The following SMPD3 variants were observed in gnomAD, a reference collection of about 807,000 sequenced individuals.
SMPD3 encodes nSMase-2.
SMPD3 carries 21 observed loss-of-function variants against 55.7 expected under a neutral mutation model. The observed-to-expected ratio is 0.38, with a 90% confidence interval of 0.27 to 0.54. SMPD3 has a LOEUF of 0.54. SMPD3 is among the 20% of genes least tolerant of loss of function. SMPD3 has a pLI of 0.80. For synonymous variants in SMPD3, 457 were observed against 404.3 expected, an observed-to-expected ratio of 1.13 and a Z score of -1.56; for missense variants, 842 against 899.6, an observed-to-expected ratio of 0.94 and a Z score of 0.82.
chr16:68,426,584 T>G (rs1288249521), intron 1 of SMPD3, among the ~76,000 whole-genome samples: 1 of 152,206 alleles, frequency 6.6e-6, no homozygotes, highest in Non-Finnish European at 1.5e-5. Context: ...TTCTGAAAAC[T>G]GTGAAACAAT....
chr16:68,395,476 AT>A (rs1479995593), intron 1 of SMPD3, among the ~76,000 whole-genome samples: 1 of 152,266 alleles, frequency 6.6e-6, no homozygotes, highest in Non-Finnish European at 1.5e-5. Flanking sequence ...AAACGTCATC[AT>A]CTCCAGGGTT....
chr16:68,373,908 C>T lies in SMPD3; in HGVS notation c.-206-1521G>A, dbSNP rs563491224. Among the ~76,000 whole-genome samples the T allele has an allele frequency of 7.9e-5, 12 of 152,220 alleles. 1 individual carries two copies. The South Asian group carries it at 1.4e-3, about 18-fold the overall frequency. ...CTGCCATTCCCCATCCTCTGCCCCT[C>T]GCCTCGCTCACCCTTTCTAAGACTC... On this transcript the variant is annotated intron_variant, in intron 2 of 8. Transcript: ENST00000219334.
chr16:68,376,395 C>A (rs892686881), intron 2 of SMPD3, among the ~76,000 whole-genome samples: 1 of 152,218 alleles, frequency 6.6e-6, no homozygotes. Context: ...TCCATGCCCC[C>A]GCTCTCTGCT....
intron 1 of SMPD3, among the ~76,000 whole-genome samples, chr16:68,436,152 C>A (rs1199849190): frequency 1.3e-5 from 2 of 152,186 alleles, no homozygotes; most frequent in Non-Finnish European, 2.9e-5. Flanking sequence ...CACTGCCAAA[C>A]CCTCAGAGCA....
At chr16:68,405,031 C>T (rs1020765538) in intron 1 of SMPD3, among the ~76,000 whole-genome samples, 4 of 152,292 alleles carry the variant, frequency 2.6e-5, no homozygotes, top group African/African-American at 9.6e-5. Flanking sequence ...TTTGTTTTTA[C>T]CTTTGGGGCC....
chr16:68,438,728 A>G (rs950734957), intron 1 of SMPD3, among the ~76,000 whole-genome samples: 2 of 152,034 alleles, frequency 1.3e-5, no homozygotes, highest in African/African-American at 4.8e-5. Flanking sequence ...GAGATTATCC[A>G]TATTGTACCC....
chr16:68,362,962 TCTG>T (rs560287014), intron 7 of SMPD3, among the ~76,000 whole-genome samples: 5 of 152,240 alleles, frequency 3.3e-5, no homozygotes, highest in Non-Finnish European at 5.9e-5. Context: ...ATAAATTGGT[TCTG>T]CTGTTGGCCT....
intron 1 of SMPD3, among the ~76,000 whole-genome samples, chr16:68,419,077 G>T (rs1307863935): frequency 6.6e-6 from 1 of 152,130 alleles, no homozygotes; most frequent in Non-Finnish European, 1.5e-5. Context: ...CCTCAGGAGA[G>T]GTGAGAGGGA....
chr16:68,377,161 G>C (rs182042776), intron 2 of SMPD3, among the ~76,000 whole-genome samples: 12 of 152,228 alleles, frequency 7.9e-5, no homozygotes, highest in African/African-American at 2.9e-4. Context: ...CACTGCCTAG[G>C]CTGGAGCTGC....
chr16:68,437,718 G>A (rs752210996), intron 1 of SMPD3, among the ~76,000 whole-genome samples: 1 of 152,212 alleles, frequency 6.6e-6, no homozygotes, highest in Non-Finnish European at 1.5e-5. Flanking sequence ...AACTGCAGGT[G>A]CCTCTTGGAA....
chr16:68,373,180 C>T (rs1311804495), intron 2 of SMPD3, among the ~76,000 whole-genome samples: 1 of 152,232 alleles, frequency 6.6e-6, no homozygotes, highest in African/African-American at 2.4e-5. Context: ...CAAGCTTTAA[C>T]CGCTGTCCCT....
At chr16:68,446,750 C>A (rs947114572) in intron 1 of SMPD3, among the ~76,000 whole-genome samples, 2 of 152,180 alleles carry the variant, frequency 1.3e-5, no homozygotes, top group Non-Finnish European at 2.9e-5. Context: ...GGCCCACTCA[C>A]GCCCTGTGAA....
intron 1 of SMPD3, among the ~76,000 whole-genome samples, chr16:68,402,596 T>C (rs570857041): frequency 3.3e-5 from 5 of 152,110 alleles, no homozygotes; most frequent in Admixed American, 1.3e-4. Flanking sequence ...TCATTTGTCA[T>C]GGCTTTATGT....
chr16:68,435,926 C>A (rs777109847), intron 1 of SMPD3, among the ~76,000 whole-genome samples: 11 of 152,176 alleles, frequency 7.2e-5, no homozygotes, highest in Non-Finnish European at 1.6e-4. Context: ...AAAGTCTGCA[C>A]CCCACAAACA....
chr16:68,424,502 A>G (rs570971097), intron 1 of SMPD3, among the ~76,000 whole-genome samples: 230 of 152,218 alleles, frequency 1.5e-3, no homozygotes, highest in African/African-American at 5.5e-3. Context: ...TGACCTGGGA[A>G]AAGTAATTTT....
At chr16:68,444,688 A>G (rs2090596650) in intron 1 of SMPD3, among the ~76,000 whole-genome samples, 1 of 152,254 alleles carries the variant, frequency 6.6e-6, no homozygotes, top group Non-Finnish European at 1.5e-5. Context: ...ACAAAGATAC[A>G]GGTATAAATT....
intron 7 of SMPD3, among the ~76,000 whole-genome samples, chr16:68,362,734 C>A (rs947490164): frequency 2.4e-4 from 36 of 152,264 alleles, no homozygotes; most frequent in Non-Finnish European, 2.9e-5. Flanking sequence ...GACATTGTTA[C>A]AGCTCAGAAA....
chr16:68,403,133 A>G (rs965735893), intron 1 of SMPD3, among the ~76,000 whole-genome samples: 2 of 152,204 alleles, frequency 1.3e-5, no homozygotes, highest in Admixed American at 1.3e-4. Context: ...TGTTTCAAAT[A>G]TCACCCCCTT....
At position 68,361,814 on chromosome 16, in the gene SMPD3, G is replaced by T. The variant is rs1282826938; in HGVS notation, c.1710-55C>A. ...CCCCATGCCCGCCCCTGTGGGCCTG[G>T]CAGGGGCTGTGTGTGGAGCCATGGT... On this transcript the variant is annotated intron_variant, in intron 7 of 8. Transcript: ENST00000219334. 13 of 1,585,950 alleles carry T rather than the reference G, an allele frequency of 8.2e-6. No individual in the cohort carries two copies. The Admixed American group carries it at 2.2e-4, about 27-fold the overall frequency.
Sources: allele counts gnomAD v4.1 joint callset (sites outside exome capture counted in the v4.1 genomes callset), GRCh38; gene constraint gnomAD v4.1.1; transcripts MANE v1.5; gene names NCBI Gene and HGNC (gene_info 2026-07-23, HGNC 2026-07-21).